Variants in GRIK1 observed in about 807,000 individuals in gnomAD.
GRIK1 encodes the protein glutamate receptor ionotropic, kainate 1.
In GRIK1, 69 loss-of-function variants were observed where a neutral mutation model predicts 105.7. The ratio of observed to expected loss-of-function variants is 0.65; its 90% CI spans 0.54 to 0.80. The LOEUF is 0.80. GRIK1 is among the 30% of genes least tolerant of loss of function. The pLI is 0.00. For synonymous variants in GRIK1, 438 were observed against 431.3 expected, an observed-to-expected ratio of 1.02 and a Z score of -0.19; for missense variants, 1,109 against 1,167.3, an observed-to-expected ratio of 0.95 and a Z score of 0.73.
In GRIK1 at chr21:29,939,442, G is replaced by A; in HGVS notation, c.59C>T (p.Ala20Val). ...GATATAGCAGAGGAAATAGAGGAGT[G>A]CCCAGCTGGTGTCCCTGGTCCAGAG... Reference protein sequence around the residue: ...PGLWTRDTSWALLYFLCYILP... With the variant: ...PGLWTRDTSWVLLYFLCYILP... Residue 20 changes from alanine to valine, a missense_variant, in exon 1 of 18, where the codon GCA becomes GTA. Coordinates refer to ENST00000327783, the MANE Select transcript of GRIK1 (RefSeq NM_001330994.2). 6.3e-7 allele frequency: 1 copy of A among 1,597,998 alleles called. No homozygotes were observed. The highest frequency in any genetic ancestry group is 1.1e-5 in the South Asian group (1 of 88,780).
intron 1 of GRIK1, among the ~76,000 whole-genome samples, chr21:29,929,428 C>T (rs967294770): frequency 6.6e-6 from 1 of 152,310 alleles, no homozygotes; most frequent in Admixed American, 6.5e-5. Context: ...AACCAATAAA[C>T]TTCCCTTTTC....
At position 29,934,248 on chromosome 21, in the gene GRIK1, T is replaced by G. The variant is rs574678110; in HGVS notation, c.118+5135A>C. On this transcript the variant is annotated intron_variant, in intron 1 of 17. Transcript: ENST00000327783. ...CACTGATAATATCAGTTTTTCTCTT[T>G]GCTAGTTGCCTCACATATAAATCAC... Among the ~76,000 whole-genome samples, 17 of 152,346 alleles carry G rather than the reference T, an allele frequency of 1.1e-4. No individual in the cohort carries two copies. The South Asian group carries it at 2.3e-3, about 20-fold the overall frequency.
chr21:29,902,092 A>G (rs1193703066), intron 1 of GRIK1, among the ~76,000 whole-genome samples: 2 of 152,256 alleles, frequency 1.3e-5, no homozygotes, highest in Non-Finnish European at 2.9e-5. Flanking sequence ...GACAAAATTC[A>G]ACAGCCTTTC....
chr21:29,727,588 G>C (rs951596879), intron 1 of GRIK1, among the ~76,000 whole-genome samples: 2 of 152,112 alleles, frequency 1.3e-5, no homozygotes, highest in Non-Finnish European at 2.9e-5. Flanking sequence ...TTATAAACGG[G>C]AGCAGGCGAA....
chr21:29,876,191 A>T (rs2069186113), intron 1 of GRIK1, among the ~76,000 whole-genome samples: 3 of 151,606 alleles, frequency 2.0e-5, no homozygotes, highest in African/African-American at 4.9e-5. Flanking sequence ...TTGGGTAGAC[A>T]TCTGGATCTA....
At chr21:29,676,507 T>G (rs1568963362) in intron 3 of GRIK1, among the ~76,000 whole-genome samples, 2 of 152,212 alleles carry the variant, frequency 1.3e-5, no homozygotes, top group Non-Finnish European at 2.9e-5. Context: ...TAAAAGTCGT[T>G]TGCTAAACAT....
chr21:29,574,039 A>C (rs2090824390), intron 14 of GRIK1, among the ~76,000 whole-genome samples: 1 of 152,184 alleles, frequency 6.6e-6, no homozygotes, highest in Admixed American at 6.5e-5. Flanking sequence ...TTCATGTACG[A>C]AATTATTTAA....
At chr21:29,847,900 T>C (rs118730) in intron 1 of GRIK1, among the ~76,000 whole-genome samples, 128,643 of 150,466 alleles carry the variant, frequency 0.85, 56,377 homozygotes, top group Non-Finnish European at 0.95. Context: ...GTTTCTCTCT[T>C]TCTCTCTCTC....
intron 1 of GRIK1, among the ~76,000 whole-genome samples, chr21:29,831,593 G>T (rs915263366): frequency 3.3e-5 from 5 of 152,046 alleles, no homozygotes; most frequent in Non-Finnish European, 5.9e-5. Flanking sequence ...GGAGAGTGAA[G>T]GGGGAGGTGC....
intron 16 of GRIK1, among the ~76,000 whole-genome samples, chr21:29,547,655 GACA>G (rs1197191050): frequency 6.6e-6 from 1 of 152,214 alleles, no homozygotes; most frequent in African/African-American, 2.4e-5. Flanking sequence ...TGGTTGATAA[GACA>G]ACATCAACTT....
chr21:29,574,257 C>A (rs1453936316), intron 14 of GRIK1, among the ~76,000 whole-genome samples: 1 of 152,162 alleles, frequency 6.6e-6, no homozygotes, highest in Non-Finnish European at 1.5e-5. Context: ...ATCCTGTGTA[C>A]AGTGGCAAAG....
intron 1 of GRIK1, among the ~76,000 whole-genome samples, chr21:29,890,250 CA>C (rs762116460): frequency 2.0e-5 from 3 of 152,128 alleles, no homozygotes; most frequent in Non-Finnish European, 2.9e-5. Context: ...CTTCTTTTTA[CA>C]AATCACAATC....
chr21:29,629,850 C>A (rs886419519), intron 7 of GRIK1, among the ~76,000 whole-genome samples: 6 of 151,952 alleles, frequency 3.9e-5, no homozygotes, highest in Non-Finnish European at 8.8e-5. Flanking sequence ...GAATTGTGGC[C>A]CAGTGAAATA....
intron 1 of GRIK1, among the ~76,000 whole-genome samples, chr21:29,867,816 G>GAAAGAAAGAAAC (rs1569173985): frequency 7.4e-6 from 1 of 135,750 alleles, no homozygotes; most frequent in Non-Finnish European, 1.6e-5. Context: ...AAGAAAGAAA[G>GAAAGAAAGAAAC]AATGAAAGAA....
chr21:29,559,506 AAAG>A (rs1162155046), intron 15 of GRIK1, among the ~76,000 whole-genome samples: 7 of 152,342 alleles, frequency 4.6e-5, no homozygotes, highest in Admixed American at 3.3e-4. Flanking sequence ...TATTGGAAAT[AAAG>A]AAGCAAGAAG....
At chr21:29,539,608 G>T (rs1465428008) in intron 16 of GRIK1, among the ~76,000 whole-genome samples, 2 of 152,138 alleles carry the variant, frequency 1.3e-5, no homozygotes, top group Non-Finnish European at 2.9e-5. Flanking sequence ...CTTGTGTGTT[G>T]CTACTAAGAG....
At chr21:29,891,940 T>G (rs1007457765) in intron 1 of GRIK1, among the ~76,000 whole-genome samples, 1 of 152,246 alleles carries the variant, frequency 6.6e-6, no homozygotes, top group African/African-American at 2.4e-5. Flanking sequence ...TATACAGCAG[T>G]GTCTACATAT....
chr21:29,658,464 T>C (rs2062898311), intron 4 of GRIK1, among the ~76,000 whole-genome samples: 3 of 152,202 alleles, frequency 2.0e-5, no homozygotes, highest in Admixed American at 1.3e-4. Context: ...GGTTTTACCA[T>C]GTTGGCCACG....
At chr21:29,814,134 T>C (rs1459687921) in intron 1 of GRIK1, among the ~76,000 whole-genome samples, 1 of 149,250 alleles carries the variant, frequency 6.7e-6, no homozygotes, top group Admixed American at 6.7e-5. Context: ...TTTTTTTTGC[T>C]GAGATGGCAT....
Sources: gnomAD v4.1 joint callset for allele counts (sites outside exome capture counted in the v4.1 genomes callset) on GRCh38, gnomAD v4.1.1 for gene constraint, MANE v1.5 for transcripts, NCBI Gene and HGNC (gene_info 2026-07-23, HGNC 2026-07-21) for gene names.